The following PHEX variants were observed in gnomAD, a reference collection of about 807,000 sequenced individuals.
PHEX encodes the protein phosphate regulating endopeptidase X-linked.
Under a neutral mutation model 68.0 loss-of-function variants are expected in PHEX, and 16 were observed. That is an observed-to-expected ratio of 0.24 (90% CI 0.16 to 0.36). The LOEUF (loss-of-function observed/expected upper bound fraction) is 0.36, where lower values mean the gene tolerates loss of function less well. PHEX is among the 10% of genes least tolerant of loss of function. The pLI is 1.00. For synonymous variants in PHEX, 208 were observed against 205.1 expected, an observed-to-expected ratio of 1.01 and a Z score of -0.12; for missense variants, 480 against 575.5, an observed-to-expected ratio of 0.83 and a Z score of 1.70.
chrX:22,048,996 A>C (rs1326693593), intron 3 of PHEX, among the ~76,000 whole-genome samples: 1 of 112,428 alleles, frequency 8.9e-6, no homozygotes, highest in Non-Finnish European at 1.9e-5. Flanking sequence ...AGCTGATATT[A>C]TACATACTAC....
chrX:22,157,148 G>T, intron 12 of PHEX, among the ~76,000 whole-genome samples: 1 of 112,052 alleles, frequency 8.9e-6, no homozygotes, highest in African/African-American at 3.2e-5. Flanking sequence ...CTCCCAAAGT[G>T]CTGGAATAAC....
chrX:22,148,544 G>C (rs945451018), intron 12 of PHEX, among the ~76,000 whole-genome samples: 1 of 110,455 alleles, frequency 9.1e-6, no homozygotes, highest in African/African-American at 3.3e-5. Flanking sequence ...ATTATTAACT[G>C]TGGCCACCAT....
chrX:22,127,429 T>A (rs1931784749), intron 11 of PHEX, among the ~76,000 whole-genome samples: 1 of 111,394 alleles, frequency 9.0e-6, no homozygotes. Context: ...TTCTCTATTT[T>A]TTTCTTATTT....
chrX:22,146,800 G>C (rs1268987457), intron 12 of PHEX, among the ~76,000 whole-genome samples: 1 of 109,493 alleles, frequency 9.1e-6, no homozygotes, highest in Non-Finnish European at 1.9e-5. Flanking sequence ...CTGGGCAAGA[G>C]AGTGAGACTC....
At chrX:22,066,108 G>C (rs190827212) in intron 3 of PHEX, among the ~76,000 whole-genome samples, 1 of 112,095 alleles carries the variant, frequency 8.9e-6, no homozygotes, top group Admixed American at 9.4e-5. Flanking sequence ...GAGCATACAG[G>C]CTTTGTAGGC....
chrX:22,141,090 A>G (rs1348836433), intron 12 of PHEX, among the ~76,000 whole-genome samples: 1 of 110,807 alleles, frequency 9.0e-6, no homozygotes, highest in Non-Finnish European at 1.9e-5. Context: ...TGTGGTCCCC[A>G]GTCCAGAAGC....
At chrX:22,177,750 G>A (rs1260033437) in intron 13 of PHEX, among the ~76,000 whole-genome samples, 3 of 111,594 alleles carry the variant, frequency 2.7e-5, no homozygotes. Flanking sequence ...TGTGCTTATG[G>A]TGGAAAATAG....
chrX:22,212,757 G>C (rs944239688), intron 15 of PHEX, 147 bp from the exon 16 acceptor site: 1 of 536,495 alleles, frequency 1.9e-6, no homozygotes, highest in Non-Finnish European at 3.4e-6. Context: ...TGATATCATT[G>C]AGACAGCTAG....
chrX:22,215,226 GT>G (rs370128705), intron 16 of PHEX, among the ~76,000 whole-genome samples: 87 of 110,000 alleles, frequency 7.9e-4, no homozygotes, highest in African/African-American at 2.7e-3. Context: ...GTGAAAGAGA[GT>G]TTTTTTTTCC....
intron 21 of PHEX, among the ~76,000 whole-genome samples, chrX:22,246,689 A>G (rs910292787): frequency 1.8e-5 from 2 of 112,406 alleles, no homozygotes; most frequent in Non-Finnish European, 3.8e-5. Flanking sequence ...TATCAACTGT[A>G]TTCTATCTTT....
At chrX:22,239,098 G>A (rs1936090338) in intron 20 of PHEX, among the ~76,000 whole-genome samples, 1 of 112,086 alleles carries the variant, frequency 8.9e-6, no homozygotes. Context: ...AGGGTCTGGA[G>A]AGGACCTCCA....
intron 2 of PHEX, among the ~76,000 whole-genome samples, chrX:22,040,454 G>A (rs1014956034): frequency 9.0e-6 from 1 of 111,521 alleles, no homozygotes; most frequent in African/African-American, 3.3e-5. Context: ...AAATTAGTGA[G>A]ACCCCATCTC....
At chrX:22,038,321 G>C in intron 1 of PHEX, 148 bp from the exon 2 acceptor site, 1 of 552,274 alleles carries the variant, frequency 1.8e-6, no homozygotes, top group Middle Eastern at 3.2e-4. Context: ...GTCTGGTTTC[G>C]TGACATTGAA....
At chrX:22,153,326 T>C (rs957977687) in intron 12 of PHEX, among the ~76,000 whole-genome samples, 1 of 112,078 alleles carries the variant, frequency 8.9e-6, no homozygotes, top group East Asian at 2.8e-4. Context: ...AGACCAAATT[T>C]TAAGGAAGAT....
intron 13 of PHEX, among the ~76,000 whole-genome samples, chrX:22,168,757 C>T (rs1294605648): frequency 1.8e-5 from 2 of 111,944 alleles, no homozygotes; most frequent in African/African-American, 3.2e-5. Flanking sequence ...TTGCTTCATT[C>T]GTATTAAATG....
chrX:22,189,539 C>A (rs889635080), intron 14 of PHEX, among the ~76,000 whole-genome samples: 4 of 110,920 alleles, frequency 3.6e-5, no homozygotes, highest in African/African-American at 6.6e-5. Flanking sequence ...GAGTTTGAGA[C>A]CAGCCTGGCC....
chrX:22,141,693 A>G (rs192449128), intron 12 of PHEX, among the ~76,000 whole-genome samples: 92 of 111,697 alleles, frequency 8.2e-4, no homozygotes, highest in South Asian at 3.3e-3. Flanking sequence ...GACCTCCTAC[A>G]TGTTTATTAT....
chrX:22,077,410 CT>C, intron 4 of PHEX, 65 bp from the exon 5 acceptor site: 3 of 980,092 alleles, frequency 3.1e-6, no homozygotes, highest in Non-Finnish European at 4.4e-6. Flanking sequence ...AGAAGATGCA[CT>C]TAAATTCTAG....
rs776867941 is a variant in PHEX, at chrX:22,089,570, G to A, written c.664-859G>A. On this transcript the variant is annotated intron_variant, in intron 5 of 21. Coordinates refer to ENST00000379374, the MANE Select transcript of PHEX (RefSeq NM_000444.6). ...TGAGTAGCTGGGATTACAGCCACAC[G>A]CTACCATACCTGGCTAATTTTTATA... Among the ~76,000 whole-genome samples the A allele has an allele frequency of 5.5e-5, 6 of 109,395 alleles. No homozygotes were observed. In the East Asian group the frequency reaches 1.7e-3, roughly 31 times the overall value. The allele number at this position is 109,395 out of a possible 115,157, so 95.0% of individuals were successfully genotyped here. A position where few individuals can be genotyped will look rare whatever the true frequency, so the allele number is the denominator to read the frequency against.
Sources: allele counts gnomAD v4.1 joint callset (sites outside exome capture counted in the v4.1 genomes callset), GRCh38; gene constraint gnomAD v4.1.1; transcripts MANE v1.5; gene names NCBI Gene and HGNC (gene_info 2026-07-23, HGNC 2026-07-21).